PCID2: variants seen among roughly 807,000 people sequenced by gnomAD.
PCID2 encodes PCI domain containing 2, also known as PCI domain-containing protein 2.
In PCID2, 41 loss-of-function variants were observed where a neutral mutation model predicts 61.3. The ratio of observed to expected loss-of-function variants is 0.67; its 90% CI spans 0.52 to 0.87. PCID2 has a LOEUF of 0.87. PCID2 is among the 40% of genes least tolerant of loss of function. PCID2 has a pLI of 0.00. For synonymous variants in PCID2, 187 were observed against 177.8 expected, an observed-to-expected ratio of 1.05 and a Z score of -0.41; for missense variants, 392 against 493.4, an observed-to-expected ratio of 0.79 and a Z score of 1.95.
At chr13:113,208,497 G>A (rs2040123662) in intron 1 of PCID2, 102 bp downstream of exon 1, 6 of 1,546,176 alleles carry the variant, frequency 3.9e-6, no homozygotes, top group African/African-American at 2.8e-5. Context: ...GAAGGGTGGC[G>A]AGGCGGGAAA....
chr13:113,176,115 T>C (rs568182537), downstream of PCID2, among the ~76,000 whole-genome samples: 1 of 152,340 alleles, frequency 6.6e-6, no homozygotes, highest in South Asian at 2.1e-4. Context: ...CAGGGGAACC[T>C]GAGGAAGGAG....
chr13:113,180,354 G>GTT, intron 10 of PCID2, 123 bp from the exon 11 acceptor site: 3 of 720,314 alleles, frequency 4.2e-6, no homozygotes, highest in Non-Finnish European at 7.3e-6. Flanking sequence ...GAATGTCCAT[G>GTT]GATTAAACAC....
In PCID2 at chr13:113,192,116, G is replaced by A. The variant is rs116258537; in HGVS notation, c.364-1141C>T. Reference sequence around the variant, plus strand: ...TAATTAAAAAATTTTAAATTAGCCCGGTATCATGGCGTAGACCTGTAGTCC... The same window carrying A: ...TAATTAAAAAATTTTAAATTAGCCCAGTATCATGGCGTAGACCTGTAGTCC... On this transcript the variant is annotated intron_variant, in intron 6 of 13. Coordinates refer to ENST00000337344, the MANE Select transcript of PCID2 (RefSeq NM_001127202.4). Among the ~76,000 whole-genome samples, 329 of 152,202 alleles carry A rather than the reference G, an allele frequency of 2.2e-3. 2 individuals carry two copies. The highest frequency in any genetic ancestry group is 6.8e-3 in the African/African-American group (281 of 41,522).
At position 113,178,043 on chromosome 13, in the gene PCID2, G is replaced by T; in HGVS notation, c.*155C>A. The T allele has an allele frequency of 1.9e-6, 1 of 537,904 alleles. No individual in the cohort carries two copies. Among genetic ancestry groups the T allele is most frequent in the Non-Finnish European group, 3.3e-6 (1 of 298,516 alleles). The allele number at this position is 537,904 out of a possible 1,614,324, so 33.3% of individuals were successfully genotyped here. A position where few individuals can be genotyped will look rare whatever the true frequency, so the allele number is the denominator to read the frequency against. On this transcript the variant is annotated 3_prime_UTR_variant, in exon 14 of 14. Coordinates refer to ENST00000337344, the MANE Select transcript of PCID2 (RefSeq NM_001127202.4). Reference sequence around the variant, plus strand: ...GTTACAAATGAAGGAGATTAACTCGGGTGTGCTGAAAATCTCAGCCTCAGC... The same window carrying T: ...GTTACAAATGAAGGAGATTAACTCGTGTGTGCTGAAAATCTCAGCCTCAGC...
chr13:113,183,834 G>A, intron 9 of PCID2: 1 of 985,314 alleles, frequency 1.0e-6, no homozygotes, highest in African/African-American at 1.7e-5. Context: ...GACACGCCGT[G>A]CGAGGCTGTT....
chr13:113,179,955 C>A lies in PCID2; in HGVS notation c.948G>T (p.Lys316Asn). ...GGTTCCTGTAGGTGATGATCTTCAGCTTCTCCAGGATGAGGAAGATTCCGC... is the reference window on the plus strand; with the variant it reads ...GGTTCCTGTAGGTGATGATCTTCAGATTCTCCAGGATGAGGAAGATTCCGC... ...IRCGIFLILE[K>N]LKIITYRNLF... The change falls in exon 12 of 14, where the codon AAG becomes AAT. Residue 316 changes from lysine to asparagine, a missense_variant. Coordinates refer to ENST00000337344, the MANE Select transcript of PCID2 (RefSeq NM_001127202.4). The surrounding 1 kb of genome is among the most constrained non-coding windows in gnomAD (Gnocchi z 4.3). The A allele has an allele frequency of 1.2e-6, 2 of 1,613,960 alleles. No homozygotes were observed. The highest frequency in any genetic ancestry group is 1.7e-6 in the Non-Finnish European group (2 of 1,179,926).
rs750326771 is a variant in PCID2, at chr13:113,197,143, T to C, written c.266+35A>G. ...CCCAAGTAATCCACTGCATGTGTTC[T>C]ATGCGGGACAGCTGCCATGAACGAC... On this transcript the variant is annotated intron_variant, in intron 4 of 13. Transcript: ENST00000337344. 9.9e-6 allele frequency: 16 copies of C among 1,614,078 alleles called. No individual in the cohort carries two copies. In the East Asian group the frequency reaches 3.1e-4, roughly 31 times the overall value.
chr13:113,208,229 C>A, intron 1 of PCID2: 2 of 1,493,948 alleles, frequency 1.3e-6, no homozygotes, highest in Non-Finnish European at 1.8e-6. Context: ...AGCGTCCATC[C>A]GACACAGCAC....
chr13:113,170,566 T>A, the PCID2 span: 1 of 1,208,716 alleles, frequency 8.3e-7, no homozygotes, highest in Non-Finnish European at 1.2e-6. Context: ...TAAAACCACA[T>A]TGGAAATACA....
At chr13:113,191,862 C>T (rs1036314083) in intron 6 of PCID2, among the ~76,000 whole-genome samples, 2 of 152,166 alleles carry the variant, frequency 1.3e-5, no homozygotes, top group South Asian at 4.1e-4. Flanking sequence ...GTGCTCCCAC[C>T]GGCACCAAAC....
chr13:113,175,793 G>A (rs1462639676), downstream of PCID2, among the ~76,000 whole-genome samples: 9 of 152,318 alleles, frequency 5.9e-5, no homozygotes, highest in East Asian at 3.9e-4. Flanking sequence ...GGCAGTCCAC[G>A]GCTGGAATCC....
rs1314691053 is a variant in PCID2, at chr13:113,205,116, G to C, written c.36+3483C>G. ...GTCATGAACCTCTGAAGTCACTTCT[G>C]AATAGTCAAACTTTCCAATTCCATA... On this transcript the variant is annotated intron_variant, in intron 1 of 13. Transcript: ENST00000337344. Among the ~76,000 whole-genome samples the C allele has an allele frequency of 3.3e-5, 5 of 152,210 alleles. No homozygotes were observed. The East Asian group carries it at 7.7e-4, about 23-fold the overall frequency.
intron 13 of PCID2, 99 bp from the exon 14 acceptor site, chr13:113,178,386 C>A: frequency 1.2e-6 from 1 of 814,880 alleles, no homozygotes; most frequent in Non-Finnish European, 2.1e-6. Flanking sequence ...CATTCTTCCC[C>A]AAGAGCGGCA....
In PCID2 at chr13:113,208,303, C is replaced by T. The variant is rs2040094509; in HGVS notation, c.36+296G>A. On this transcript the variant is annotated intron_variant, in intron 1 of 13. Coordinates refer to ENST00000337344, the MANE Select transcript of PCID2 (RefSeq NM_001127202.4). Reference sequence around the variant, plus strand: ...CGGACCGCCTGGGAGCGCGGCCACACGTGCCAGCAAGTGAGGGCAGCGACC... The same window carrying T: ...CGGACCGCCTGGGAGCGCGGCCACATGTGCCAGCAAGTGAGGGCAGCGACC... 3 of 1,431,338 alleles carry T rather than the reference C, an allele frequency of 2.1e-6. No individual in the cohort carries two copies. In the South Asian group the frequency reaches 4.4e-5, roughly 21 times the overall value. 88.7% of individuals were successfully genotyped at this position (1,431,338 alleles called of 1,614,324 possible).
rs2038059011 is a variant in PCID2, at chr13:113,185,811, ATCCT to A, written c.468-255_468-252del. On this transcript the variant is annotated intron_variant, in intron 7 of 13. Coordinates refer to ENST00000337344, the MANE Select transcript of PCID2 (RefSeq NM_001127202.4). ...AATCCCAATTAACTACTTGAGTAAC[ATCCT>A]TCCTCCGCGGCACCAGCTAAAAACT... 7 of 373,380 alleles carry A rather than the reference ATCCT, an allele frequency of 1.9e-5. No homozygotes were observed. The South Asian group carries it at 4.0e-4, about 21-fold the overall frequency. The allele number at this position is 373,380 out of a possible 1,614,324, so 23.1% of individuals were successfully genotyped here. A position where few individuals can be genotyped will look rare whatever the true frequency, so the allele number is the denominator to read the frequency against.
chr13:113,176,857 T>TC (rs2037199686), downstream of PCID2, among the ~76,000 whole-genome samples: 1 of 152,018 alleles, frequency 6.6e-6, no homozygotes, highest in South Asian at 2.1e-4. Context: ...AAGAGAGCCC[T>TC]CCCCAGAAGC....
Position 113,178,045 on chromosome 13 carries a change from T to A in PCID2, c.*153A>T. 1.9e-6 allele frequency: 1 copy of A among 539,894 alleles called. No individual in the cohort carries two copies. Among genetic ancestry groups the A allele is most frequent in the Non-Finnish European group, 3.3e-6 (1 of 299,550 alleles). The allele number at this position is 539,894 out of a possible 1,614,324, so 33.4% of individuals were successfully genotyped here. On this transcript the variant is annotated 3_prime_UTR_variant, in exon 14 of 14. Transcript: ENST00000337344. ...TACAAATGAAGGAGATTAACTCGGG[T>A]GTGCTGAAAATCTCAGCCTCAGCAT...
the PCID2 span, chr13:113,170,598 T>C: frequency 2.0e-6 from 2 of 1,011,910 alleles, no homozygotes; most frequent in South Asian, 2.6e-5. Context: ...AAGAATGAAA[T>C]GACAAATTTA....
chr13:113,166,487 C>T, the PCID2 span: 1 of 152,158 alleles, frequency 6.6e-6, no homozygotes, highest in Non-Finnish European at 1.5e-5. Flanking sequence ...CCGACTCTTA[C>T]AAGACAGCTG....
Sources: allele counts gnomAD v4.1 joint callset (sites outside exome capture counted in the v4.1 genomes callset), GRCh38; gene constraint gnomAD v4.1.1; non-coding constraint Gnocchi (gnomAD v3.1); transcripts MANE v1.5; gene names NCBI Gene and HGNC (gene_info 2026-07-23, HGNC 2026-07-21).